The following EFCAB8 variants were observed in gnomAD, a reference collection of about 807,000 sequenced individuals.
The protein encoded by EFCAB8 is EF-hand calcium binding domain 8.
EFCAB8 carries 100 observed loss-of-function variants against 116.3 expected under a neutral mutation model. That is an observed-to-expected ratio of 0.86 (90% confidence interval 0.73 to 1.02). The LOEUF (loss-of-function observed/expected upper bound fraction) is 1.02, where lower values mean the gene tolerates loss of function less well. EFCAB8 is among the 50% of genes least tolerant of loss of function. The probability of loss-of-function intolerance (pLI) is 0.00; values close to 1 mark genes in which losing one functional copy is unlikely to be tolerated. For missense variants in EFCAB8, 1,320 were observed against 1,416.9 expected (o/e 0.93, Z 1.10); for synonymous variants, 558 against 567.9 (o/e 0.98, Z 0.25).
At chr20:32,902,475 G>A (rs1408033721) in intron 11 of EFCAB8, among the ~76,000 whole-genome samples, 2 of 152,168 alleles carry the variant, frequency 1.3e-5, no homozygotes, top group Non-Finnish European at 2.9e-5. Context: ...GGTCAGACAC[G>A]GTGGCTCACT....
intron 23 of EFCAB8, among the ~76,000 whole-genome samples, chr20:32,953,942 C>G (rs62207482): frequency 6.6e-6 from 1 of 152,148 alleles, no homozygotes; most frequent in Non-Finnish European, 1.5e-5. Context: ...TCCCGAGTAG[C>G]TGGGCTTACA....
At chr20:32,912,932 C>A (rs1190295769) in intron 17 of EFCAB8, 68 bp downstream of exon 17, 3 of 687,730 alleles carry the variant, frequency 4.4e-6, no homozygotes, top group Non-Finnish European at 8.1e-6. Flanking sequence ...ATGGGTTCCT[C>A]CATTCCTGGC....
At chr20:32,867,263 T>TA (rs1394704678) in intron 2 of EFCAB8, among the ~76,000 whole-genome samples, 4 of 149,928 alleles carry the variant, frequency 2.7e-5, no homozygotes, top group African/African-American at 1.0e-4. Context: ...TGAAATGATA[T>TA]AGTTACTGAA....
At chr20:32,931,777 T>C (rs1021412019) in intron 22 of EFCAB8, among the ~76,000 whole-genome samples, 7 of 151,116 alleles carry the variant, frequency 4.6e-5, no homozygotes, top group Non-Finnish European at 1.0e-4. Context: ...AAAGAGTTAG[T>C]ATTCGTAATA....
intron 23 of EFCAB8, among the ~76,000 whole-genome samples, chr20:32,956,071 T>G (rs1300512739): frequency 2.0e-5 from 3 of 152,142 alleles, no homozygotes; most frequent in Non-Finnish European, 4.4e-5. Flanking sequence ...TTATTTCTTT[T>G]GGATTAATCA....
In EFCAB8 at chr20:32,961,694, A is replaced by C; in HGVS notation, c.*85A>C. ...ATGTTCTCGGCTTATTCCCTACCAG[A>C]CCCAGAGGATGTGGCTCTTCCCCCG... On this transcript the variant is annotated 3_prime_UTR_variant, in exon 27 of 27. Coordinates refer to ENST00000400522, the MANE Select transcript of EFCAB8 (RefSeq NM_001143967.2). 1 of 834,370 alleles carries C rather than the reference A, an allele frequency of 1.2e-6. No individual in the cohort carries two copies. The highest frequency in any genetic ancestry group is 1.6e-6 in the Non-Finnish European group (1 of 617,176). 51.7% of individuals were successfully genotyped at this position (834,370 alleles called of 1,614,324 possible). A position where few individuals can be genotyped will look rare whatever the true frequency, so the allele number is the denominator to read the frequency against.
At chr20:32,932,173 G>A (rs1458981551) in intron 22 of EFCAB8, among the ~76,000 whole-genome samples, 10 of 152,208 alleles carry the variant, frequency 6.6e-5, no homozygotes, top group Admixed American at 6.5e-4. Context: ...GAGGTCAGGA[G>A]TTTGAGACCA....
chr20:32,877,391 T>A (rs1985034138), intron 4 of EFCAB8, among the ~76,000 whole-genome samples: 1 of 152,030 alleles, frequency 6.6e-6, no homozygotes, highest in South Asian at 2.1e-4. Flanking sequence ...GTATTTTTAG[T>A]AGAAACGGGG....
At chr20:32,861,054 A>G (rs1275599121) in intron 1 of EFCAB8, among the ~76,000 whole-genome samples, 3 of 152,154 alleles carry the variant, frequency 2.0e-5, no homozygotes, top group East Asian at 1.9e-4. Context: ...TGCTTTTCTT[A>G]TTAGTACTTC....
intron 20 of EFCAB8, among the ~76,000 whole-genome samples, chr20:32,928,305 G>A (rs1463455399): frequency 6.6e-6 from 1 of 151,172 alleles, no homozygotes; most frequent in Non-Finnish European, 1.5e-5. Flanking sequence ...GCACGATCTC[G>A]GCTCACTGCA....
intron 20 of EFCAB8, among the ~76,000 whole-genome samples, chr20:32,926,343 A>G (rs917344424): frequency 5.3e-5 from 8 of 152,188 alleles, no homozygotes; most frequent in African/African-American, 1.9e-4. Context: ...CTACTGTGAA[A>G]GTTGTGTGCA....
At chr20:32,882,240 C>T (rs887158471) in intron 5 of EFCAB8, among the ~76,000 whole-genome samples, 1 of 152,196 alleles carries the variant, frequency 6.6e-6, no homozygotes, top group Admixed American at 6.5e-5. Flanking sequence ...CAATTCAGCC[C>T]ACTGAGGCTG....
chr20:32,933,849 G>A (rs112256176), intron 22 of EFCAB8, among the ~76,000 whole-genome samples: 10,030 of 152,108 alleles, frequency 0.066, 455 homozygotes, highest in African/African-American at 0.13. Flanking sequence ...ATGGTGATGC[G>A]TGCCTGTAAT....
intron 26 of EFCAB8, 112 bp from the exon 27 acceptor site, chr20:32,961,024 C>A: frequency 1.1e-6 from 1 of 920,300 alleles, no homozygotes; most frequent in South Asian, 1.5e-5. Context: ...CACACGCCTT[C>A]TTGGCATGGG....
Position 32,885,567 on chromosome 20 carries a change from G to A in EFCAB8, c.494G>A (p.Cys165Tyr). ...FLIHRFKKIG[C>Y]FLTVTKDGIL... is the part of the protein sequence containing the mutation. Reference sequence around the variant, plus strand: ...ATCCACCGGTTCAAGAAGATCGGGTGTTTCCTGACTGTCACCAAAGACGGG... The same window carrying A: ...ATCCACCGGTTCAAGAAGATCGGGTATTTCCTGACTGTCACCAAAGACGGG... The change falls in exon 6 of 27, where the codon TGT becomes TAT. Residue 165 changes from cysteine to tyrosine, a missense_variant. Transcript: ENST00000400522. 1.9e-6 allele frequency: 3 copies of A among 1,551,782 alleles called. No homozygotes were observed. The highest frequency in any genetic ancestry group is 2.6e-6 in the Non-Finnish European group (3 of 1,147,018).
At chr20:32,892,863 CAG>C (rs1985984228) in intron 8 of EFCAB8, among the ~76,000 whole-genome samples, 2 of 145,054 alleles carry the variant, frequency 1.4e-5, no homozygotes, top group South Asian at 4.5e-4. Flanking sequence ...TTTTATGACT[CAG>C]AGTCTCACTC....
Position 32,892,316 on chromosome 20 carries a change from T to C in EFCAB8, c.758+19T>C, listed in dbSNP as rs1335059479. ...ACTACTGGTGAGTCTCCACTGGGTG[T>C]TCCTCACATGAACCAGGAGGCCCAG... On this transcript the variant is annotated intron_variant, in intron 8 of 26. Coordinates refer to ENST00000400522, the MANE Select transcript of EFCAB8 (RefSeq NM_001143967.2). 1 of 1,550,462 alleles carries C rather than the reference T, an allele frequency of 6.4e-7. No homozygotes were observed. The highest frequency in any genetic ancestry group is 8.7e-7 in the Non-Finnish European group (1 of 1,146,360).
chr20:32,893,720 A>C (rs1986027911), intron 9 of EFCAB8, among the ~76,000 whole-genome samples: 1 of 151,548 alleles, frequency 6.6e-6, no homozygotes, highest in South Asian at 2.1e-4. Context: ...TTGGGTGGGC[A>C]GGGGCTGTCC....
In EFCAB8 at chr20:32,859,698, C is replaced by T. The variant is rs1043013233; in HGVS notation, c.-11+692C>T. ...CACATTTGTGTTATTATACATGTTA[C>T]TTGTTAAACCATTTGAGAATTACAG... On this transcript the variant is annotated intron_variant, in intron 1 of 26. Transcript: ENST00000400522. Among the ~76,000 whole-genome samples the T allele has an allele frequency of 6.6e-5, 10 of 152,312 alleles. No individual in the cohort carries two copies. The South Asian group carries it at 8.3e-4, about 13-fold the overall frequency.
Sources: gnomAD v4.1 joint callset for allele counts (sites outside exome capture counted in the v4.1 genomes callset) on GRCh38, gnomAD v4.1.1 for gene constraint, MANE v1.5 for transcripts, NCBI Gene and HGNC (gene_info 2026-07-23, HGNC 2026-07-21) for gene names.